Variants in SPA17 observed in about 807,000 individuals in gnomAD.
The protein encoded by SPA17 is sperm autoantigenic protein 17, also known as sperm surface protein Sp17.
A neutral mutation model predicts 13.8 loss-of-function variants in SPA17; 7 were observed. The ratio of observed to expected loss-of-function variants is 0.51; its 90% CI spans 0.29 to 0.95. The LOEUF (loss-of-function observed/expected upper bound fraction) is 0.95. SPA17 is among the 40% of genes least tolerant of loss of function. The probability of loss-of-function intolerance (pLI) is 0.08; values close to 1 mark genes in which losing one functional copy is unlikely to be tolerated. For missense variants in SPA17, 170 were observed against 179.3 expected, an observed-to-expected ratio of 0.95 and a Z score of 0.30; for synonymous variants, 61 against 59.0, an observed-to-expected ratio of 1.03 and a Z score of -0.16.
At chr11:124,674,613 A>G in intron 1 of SPA17, 1 of 152,156 alleles carries the variant, frequency 6.6e-6, no homozygotes, top group East Asian at 1.9e-4. Context: ...GAAACCGAAA[A>G]ATATAAGAAT....
chr11:124,683,202 T>C (rs1943544528), intron 3 of SPA17, among the ~76,000 whole-genome samples: 1 of 152,196 alleles, frequency 6.6e-6, no homozygotes, highest in African/African-American at 2.4e-5. Context: ...CATTCGTCTG[T>C]ACTAGGCTGG....
intron 2 of SPA17, among the ~76,000 whole-genome samples, chr11:124,679,934 A>G (rs1010027185): frequency 6.6e-6 from 1 of 152,138 alleles, no homozygotes; most frequent in Admixed American, 6.5e-5. Context: ...TGAATTTGTG[A>G]TGGTTAAAAA....
intron 2 of SPA17, among the ~76,000 whole-genome samples, chr11:124,680,801 TAAATA>T (rs1162753383): frequency 4.6e-5 from 7 of 151,944 alleles, no homozygotes; most frequent in Non-Finnish European, 8.8e-5. Context: ...GAAAAGGTTA[TAAATA>T]AAATAAATCA....
intron 2 of SPA17, 126 bp from the exon 3 acceptor site, chr11:124,681,263 A>C: frequency 3.5e-6 from 2 of 568,508 alleles, no homozygotes. Context: ...CACAATGTCA[A>C]TAAGATTTTG....
At position 124,676,886 on chromosome 11, in the gene SPA17, C is replaced by G. The variant is rs139489678; in HGVS notation, c.154+1468C>G. ...CAAATCTGCACGTGTATCCCTTGAA[C>G]CTAAAATAAAAGTTGGAAGGGGAAA... On this transcript the variant is annotated intron_variant, in intron 2 of 4. Coordinates refer to ENST00000227135, the MANE Select transcript of SPA17 (RefSeq NM_017425.4). Among the ~76,000 whole-genome samples the G allele has an allele frequency of 5.9e-5, 9 of 152,014 alleles. 1 individual carries two copies. In the South Asian group the frequency reaches 1.9e-3, roughly 32 times the overall value.
At chr11:124,685,088 T>C (rs561587119) in intron 3 of SPA17, among the ~76,000 whole-genome samples, 148 of 152,200 alleles carry the variant, frequency 9.7e-4, no homozygotes, top group African/African-American at 3.4e-3. Flanking sequence ...ACCAAGACAA[T>C]GGGGAAAATG....
rs548040795 is a variant in SPA17 at position 124,686,908 on chromosome 11, C to T, written c.226-4788C>T. On this transcript the variant is annotated intron_variant, in intron 3 of 4. Coordinates refer to ENST00000227135, the MANE Select transcript of SPA17 (RefSeq NM_017425.4). Reference sequence around the variant, plus strand: ...AAGCAACTTGAAAAGCAAGAACAAACGAAACAGTAGCAGAAGAGAGAACAA... The same window carrying T: ...AAGCAACTTGAAAAGCAAGAACAAATGAAACAGTAGCAGAAGAGAGAACAA... 6.6e-5 allele frequency among the ~76,000 whole-genome samples: 10 copies of T among 151,984 alleles called. No individual in the cohort carries two copies. The South Asian group carries it at 1.9e-3, about 28-fold the overall frequency.
chr11:124,675,123 A>C, intron 1 of SPA17, 115 bp from the exon 2 acceptor site: 1 of 1,078,224 alleles, frequency 9.3e-7, no homozygotes, highest in Non-Finnish European at 1.3e-6. Flanking sequence ...TGTGTTAGGG[A>C]AAAAAGAATT....
At position 124,675,311 on chromosome 11, in the gene SPA17, T is replaced by C. The variant is rs372342648; in HGVS notation, c.47T>C (p.Phe16Ser). The change falls in exon 2 of 5, where the codon TTT becomes TCT. Residue 16 changes from phenylalanine (F) to serine (S), a missense_variant. Transcript: ENST00000227135. The part of the protein sequence containing the change: ...SNTHYRIPQG[F>S]GNLLEGLTRE... ...ACCCACTACCGAATTCCACAAGGAT[T>C]TGGGAATCTTCTTGAAGGGCTGACA... The C allele has an allele frequency of 6.2e-7, 1 of 1,614,032 alleles. No homozygotes were observed. Among genetic ancestry groups the C allele is most frequent in the Non-Finnish European group, 8.5e-7 (1 of 1,180,034 alleles).
intron 3 of SPA17, among the ~76,000 whole-genome samples, chr11:124,689,338 T>C (rs1476483411): frequency 1.3e-5 from 2 of 152,160 alleles, no homozygotes; most frequent in African/African-American, 2.4e-5. Flanking sequence ...TAAAAAGCTT[T>C]GCACAGTAAA....
At position 124,697,193 on chromosome 11, in the gene SPA17, A is replaced by G. The variant is rs1368165930; in HGVS notation, c.*2747A>G. On this transcript the variant is annotated 3_prime_UTR_variant, in exon 5 of 5. Coordinates refer to ENST00000227135, the MANE Select transcript of SPA17 (RefSeq NM_017425.4). ...ATTGGCCAGTGATTATCTCACTACT[A>G]CTGCACAACCCATTCCAAAGTTAGT... is the stretch of plus-strand genomic sequence containing the variant. The G allele has an allele frequency of 6.6e-6, 1 of 152,236 alleles. No individual in the cohort carries two copies. Among genetic ancestry groups the G allele is most frequent in the Non-Finnish European group, 1.5e-5 (1 of 68,054 alleles). 9.4% of individuals were successfully genotyped at this position (152,236 alleles called of 1,614,324 possible). A position where few individuals can be genotyped will look rare whatever the true frequency, so the allele number is the denominator to read the frequency against.
At chr11:124,683,945 A>G (rs1054494402) in intron 3 of SPA17, among the ~76,000 whole-genome samples, 1 of 152,208 alleles carries the variant, frequency 6.6e-6, no homozygotes, top group Non-Finnish European at 1.5e-5. Context: ...TCAACAAAGT[A>G]ACTGATATCA....
At position 124,690,994 on chromosome 11, in the gene SPA17, A is replaced by C. The variant is rs188811434; in HGVS notation, c.226-702A>C. 5.9e-5 allele frequency among the ~76,000 whole-genome samples: 9 copies of C among 152,350 alleles called. No homozygotes were observed. The East Asian group carries it at 1.7e-3, about 29-fold the overall frequency. On this transcript the variant is annotated intron_variant, in intron 3 of 4. Transcript: ENST00000227135. ...TCATGTTTATCGAAGTCAAAGGAAT[A>C]ATGTTGAAAGATTTTAAATCCTTGC...
chr11:124,685,221 G>T (rs1943566816), intron 3 of SPA17, among the ~76,000 whole-genome samples: 1 of 152,250 alleles, frequency 6.6e-6, no homozygotes, highest in Non-Finnish European at 1.5e-5. Context: ...CTCGGGACAT[G>T]GTGACCTGTG....
intron 3 of SPA17, among the ~76,000 whole-genome samples, chr11:124,686,720 A>G (rs1165309203): frequency 7.4e-6 from 1 of 135,184 alleles, no homozygotes; most frequent in Non-Finnish European, 1.5e-5. Context: ...AACTTAAGAC[A>G]GAAATTTAAA....
chr11:124,678,857 A>G (rs745654957), intron 2 of SPA17, among the ~76,000 whole-genome samples: 3 of 152,152 alleles, frequency 2.0e-5, no homozygotes, highest in Non-Finnish European at 4.4e-5. Context: ...ATGAGGCACC[A>G]TGCCCAACTT....
intron 3 of SPA17, among the ~76,000 whole-genome samples, chr11:124,690,814 G>C (rs1346051979): frequency 6.6e-6 from 1 of 152,158 alleles, no homozygotes; most frequent in Non-Finnish European, 1.5e-5. Flanking sequence ...CAAAGTTCAA[G>C]TTCTCCAGTA....
intron 3 of SPA17, among the ~76,000 whole-genome samples, chr11:124,683,181 A>G (rs941714173): frequency 6.6e-5 from 10 of 152,204 alleles, no homozygotes; most frequent in Admixed American, 6.5e-4. Flanking sequence ...CAAACAAGCA[A>G]ATGCCAAGGG....
At chr11:124,685,460 G>A (rs1943569117) in intron 3 of SPA17, among the ~76,000 whole-genome samples, 1 of 152,236 alleles carries the variant, frequency 6.6e-6, no homozygotes, top group Non-Finnish European at 1.5e-5. Flanking sequence ...GAGCCCCCAT[G>A]GAGAACCTCT....
Sources: allele counts gnomAD v4.1 joint callset (sites outside exome capture counted in the v4.1 genomes callset), GRCh38; gene constraint gnomAD v4.1.1; transcripts MANE v1.5; gene names NCBI Gene and HGNC (gene_info 2026-07-23, HGNC 2026-07-21).